Variants in ZNF33A observed in about 807,000 individuals in gnomAD.
ZNF33A encodes the protein zinc finger protein 33A.
In ZNF33A, 9 loss-of-function variants were observed where a neutral mutation model predicts 15.9. That is an observed-to-expected ratio of 0.57 (90% CI 0.34 to 0.99). ZNF33A has a LOEUF of 0.99. ZNF33A is among the 50% of genes least tolerant of loss of function. The pLI is 0.02. For missense variants in ZNF33A, 843 were observed against 941.6 expected, an observed-to-expected ratio of 0.90 and a Z score of 1.37; for synonymous variants, 294 against 324.2, an observed-to-expected ratio of 0.91 and a Z score of 1.00.
chr10:38,056,670 T>C lies in ZNF33A; in HGVS notation c.*110T>C. On this transcript the variant is annotated 3_prime_UTR_variant, in exon 5 of 5. Transcript: ENST00000432900. ...TTAGGAAGTGATATTCTATGTAATA[T>C]CAGATGGTTAATACGGGCATAACAC... 2.1e-6 allele frequency: 3 copies of C among 1,417,890 alleles called. No individual in the cohort carries two copies. The highest frequency in any genetic ancestry group is 1.8e-5 in the South Asian group (1 of 54,296). The allele number at this position is 1,417,890 out of a possible 1,614,324, so 87.8% of individuals were successfully genotyped here.
intron 4 of ZNF33A, among the ~76,000 whole-genome samples, chr10:38,053,041 C>T (rs2066281757): frequency 6.6e-6 from 1 of 151,772 alleles, no homozygotes; most frequent in South Asian, 2.1e-4. Flanking sequence ...TCTTTCTGAT[C>T]CAATTTTCTT....
rs768634425 is a variant in ZNF33A at position 38,016,929 on chromosome 10, A to T, written c.68A>T (p.Gln23Leu). The change falls in exon 3 of 5, where the codon CAG (glutamine) becomes CTG (leucine). Residue 23 changes from glutamine (Q) to leucine (L), a missense_variant. By Grantham distance (113) the Gln-to-Leu change is moderately radical (BLOSUM62 -2). Transcript: ENST00000432900. The part of the protein sequence containing the change: ...SFKDVTVGFT[Q>L]EEWQHLDPSQ... ...AAAGATGTGACTGTGGGCTTCACCCAGGAGGAGTGGCAGCACCTGGACCCT... is the reference window on the plus strand; with the variant it reads ...AAAGATGTGACTGTGGGCTTCACCCTGGAGGAGTGGCAGCACCTGGACCCT... 8.1e-6 allele frequency: 13 copies of T among 1,613,992 alleles called. No homozygotes were observed. The highest frequency in any genetic ancestry group is 1.6e-4 in the Middle Eastern group (1 of 6,084).
At chr10:38,039,235 C>G (rs11011428) in intron 4 of ZNF33A, among the ~76,000 whole-genome samples, 4,130 of 145,342 alleles carry the variant, frequency 0.028, 139 homozygotes, top group African/African-American at 0.087. Context: ...TGTTTTTTGT[C>G]TTTTTTGAGA....
chr10:38,020,401 T>G (rs188578741), intron 4 of ZNF33A, among the ~76,000 whole-genome samples: 36 of 152,308 alleles, frequency 2.4e-4, no homozygotes, highest in Admixed American at 2.2e-3. Flanking sequence ...CAATTAAATT[T>G]GACTATAGTG....
In ZNF33A at chr10:38,056,295, A is replaced by T. The variant is rs144848831; in HGVS notation, c.2171A>T (p.Asn724Ile). The T allele has an allele frequency of 7.3e-5, 118 of 1,614,150 alleles. 1 individual carries two copies. In the African/African-American group the frequency reaches 1.2e-3, roughly 16 times the overall value. Residue 724 changes from asparagine to isoleucine, a missense_variant, in exon 5 of 5, where the codon AAT (asparagine) becomes ATT (isoleucine). Transcript: ENST00000432900. ...ACAGGAGAGAAATCTTGTCAATGTA[A>T]TGAATGTGGAAAAATCTTTTACCGT... Reference protein sequence around the residue: ...AHTGEKSCQCNECGKIFYRKS... With the variant: ...AHTGEKSCQCIECGKIFYRKS...
chr10:38,025,169 C>T (rs185833184), intron 4 of ZNF33A, among the ~76,000 whole-genome samples: 36 of 152,318 alleles, frequency 2.4e-4, no homozygotes, highest in Middle Eastern at 3.4e-3. Context: ...TTGGAATGTA[C>T]TTCCCTTGGA....
At chr10:38,044,999 AGCTAAGTCTGATAGCTGGGTCT>A (rs2065890307) in intron 4 of ZNF33A, among the ~76,000 whole-genome samples, 2 of 152,312 alleles carry the variant, frequency 1.3e-5, no homozygotes, top group Admixed American at 1.3e-4. Flanking sequence ...CTTTGAGGTC[AGCTAAGTCTGATAGCTGGGTCT>A]TCTCAAGGGC....
At chr10:38,018,744 T>A (rs2064585010) in intron 4 of ZNF33A, among the ~76,000 whole-genome samples, 1 of 151,982 alleles carries the variant, frequency 6.6e-6, no homozygotes, top group Admixed American at 6.6e-5. Context: ...AGTGGGGCAA[T>A]AACAAAAGAA....
chr10:38,017,121 A>G, intron 3 of ZNF33A, 106 bp downstream of exon 3: 1 of 1,493,028 alleles, frequency 6.7e-7, no homozygotes, highest in Non-Finnish European at 9.0e-7. Flanking sequence ...GTTAGGCTTC[A>G]GGAGTCAGTG....
At chr10:38,020,519 A>G (rs1285959297) in intron 4 of ZNF33A, among the ~76,000 whole-genome samples, 1 of 151,894 alleles carries the variant, frequency 6.6e-6, no homozygotes, top group African/African-American at 2.4e-5. Context: ...TACCTTTCCC[A>G]GTCTCTGGTA....
At chr10:38,014,035 ATTTTTTTTTT>A (rs10658326) in intron 2 of ZNF33A, among the ~76,000 whole-genome samples, 2,422 of 80,378 alleles carry the variant, frequency 0.03, 109 homozygotes, top group East Asian at 0.15. Context: ...ATGATGTCTG[ATTTTTTTTTT>A]TTTTTTTTTT....
Position 38,010,725 on chromosome 10 carries a change from C to T in ZNF33A, c.-103C>T, listed in dbSNP as rs538123031. 10 of 1,598,384 alleles carry T rather than the reference C, an allele frequency of 6.3e-6. No homozygotes were observed. In the South Asian group the frequency reaches 7.7e-5, roughly 12 times the overall value. ...TCAGGTTTTGCGTGGGAGGCGGTCC[C>T]GGGATTTCAAGGGTCTACGCGCTTT... On this transcript the variant is annotated 5_prime_UTR_variant, in exon 1 of 5. Transcript: ENST00000432900.
intron 1 of ZNF33A, among the ~76,000 whole-genome samples, chr10:38,011,579 A>C (rs1400518637): frequency 6.6e-6 from 1 of 152,202 alleles, no homozygotes; most frequent in South Asian, 2.1e-4. Context: ...CCGTCTCAAA[A>C]AAAAACAAAA....
chr10:38,025,515 G>C (rs1481176123), intron 4 of ZNF33A, among the ~76,000 whole-genome samples: 1 of 152,224 alleles, frequency 6.6e-6, no homozygotes, highest in Non-Finnish European at 1.5e-5. Context: ...TGTGCATAGA[G>C]GAAAGGCGAT....
intron 4 of ZNF33A, among the ~76,000 whole-genome samples, chr10:38,036,690 ATGTCC>A (rs1214120357): frequency 1.3e-5 from 2 of 152,192 alleles, no homozygotes; most frequent in Non-Finnish European, 2.9e-5. Flanking sequence ...AGGAAACAAG[ATGTCC>A]TGTCTCTTCA....
At chr10:38,064,372 G>A (rs1168178450), downstream of ZNF33A, 1 of 431,542 alleles carries the variant, frequency 2.3e-6, no homozygotes. Context: ...CTGGGGCCCA[G>A]GGCTGAGGCT....
downstream of ZNF33A, among the ~76,000 whole-genome samples, chr10:38,060,709 C>T (rs541276586): frequency 3.9e-5 from 6 of 152,288 alleles, no homozygotes; most frequent in Admixed American, 3.9e-4. Flanking sequence ...ATGGCCCATC[C>T]GAAGCCAGGG....
chr10:38,061,915 C>G (rs1349095618), downstream of ZNF33A, among the ~76,000 whole-genome samples: 1 of 152,140 alleles, frequency 6.6e-6, no homozygotes, highest in Non-Finnish European at 1.5e-5. Flanking sequence ...CAAGTTGGTG[C>G]CACTGCACTC....
chr10:38,049,947 A>C (rs955394053), intron 4 of ZNF33A, among the ~76,000 whole-genome samples: 3 of 152,204 alleles, frequency 2.0e-5, no homozygotes, highest in African/African-American at 7.2e-5. Context: ...GTAAGTTATC[A>C]ATTTGACGAT....
Sources: allele counts gnomAD v4.1 joint callset (sites outside exome capture counted in the v4.1 genomes callset), GRCh38; gene constraint gnomAD v4.1.1; transcripts MANE v1.5; gene names NCBI Gene and HGNC (gene_info 2026-07-23, HGNC 2026-07-21).